BICRA: variants seen among roughly 807,000 people sequenced by gnomAD.
The protein encoded by BICRA is BRD4 interacting chromatin remodeling complex associated protein.
A neutral mutation model predicts 96.9 loss-of-function variants in BICRA; 31 were observed. The ratio of observed to expected loss-of-function variants is 0.32; its 90% CI spans 0.24 to 0.43. The LOEUF (loss-of-function observed/expected upper bound fraction) is 0.43, where lower values mean the gene tolerates loss of function less well. BICRA is among the 20% of genes least tolerant of loss of function. The pLI, the probability that BICRA is intolerant of heterozygous loss-of-function variation, is 1.00. For synonymous variants in BICRA, 1,350 were observed against 1,071.8 expected, an observed-to-expected ratio of 1.26 and a Z score of -5.07; for missense variants, 2,283 against 2,190.3, an observed-to-expected ratio of 1.04 and a Z score of -0.84.
At chr19:47,652,333 G>A (rs1972552450) in intron 1 of BICRA, among the ~76,000 whole-genome samples, 1 of 152,124 alleles carries the variant, frequency 6.6e-6, no homozygotes, top group Admixed American at 6.6e-5. Flanking sequence ...TCAGAGGCAT[G>A]TGCCACCACA....
upstream of BICRA, among the ~76,000 whole-genome samples, chr19:47,608,863 G>C (rs1971848242): frequency 6.8e-6 from 1 of 146,900 alleles, no homozygotes; most frequent in African/African-American, 2.5e-5. Context: ...AGGAGGAAGG[G>C]GGTGGGGGGC....
At chr19:47,691,639 C>A (rs1158328046) in intron 7 of BICRA, among the ~76,000 whole-genome samples, 1 of 152,216 alleles carries the variant, frequency 6.6e-6, no homozygotes. Context: ...TCTTGGCTCA[C>A]TGTAGCCTCT....
At chr19:47,696,629 C>T in intron 11 of BICRA, 117 bp downstream of exon 11, 2 of 881,390 alleles carry the variant, frequency 2.3e-6, no homozygotes, top group Admixed American at 5.3e-5. Context: ...CCCAGCTCCA[C>T]CTCTTGGTAG....
At position 47,694,902 on chromosome 19, in the gene BICRA, G is replaced by A. The variant is rs188295244; in HGVS notation, c.2898G>A (p.Val966=). The change falls in exon 9 of 15, where the codon GTG becomes GTA. Residue 966 remains valine (V), a splice_region_variant and synonymous_variant. Coordinates refer to ENST00000594866, the MANE Select transcript of BICRA (RefSeq NM_001394372.1). The part of the protein sequence containing the change: ...PKALLERFHQ[V]PSGIILQNKA... ...TCATCCACCTGTCCCCTCCTCAGGT[G>A]CCGTCCGGAATCATCCTCCAGAACA... 5,240 of 1,509,690 alleles carry A rather than the reference G, an allele frequency of 3.5e-3. 14 individuals are homozygous for A. Among genetic ancestry groups the A allele is most frequent in the Non-Finnish European group, 3.9e-3 (4,450 of 1,135,426 alleles). The allele number at this position is 1,509,690 out of a possible 1,614,324, so 93.5% of individuals were successfully genotyped here.
chr19:47,613,219 T>C (rs1327751499), intron 1 of BICRA, among the ~76,000 whole-genome samples: 1 of 151,906 alleles, frequency 6.6e-6, no homozygotes, highest in Non-Finnish European at 1.5e-5. Context: ...TGGGGGTGTA[T>C]AAGGCTCCCC....
In BICRA at chr19:47,698,118, T is replaced by A. The variant is rs1973375356; in HGVS notation, c.3249-516T>A. Among the ~76,000 whole-genome samples, 1 of 152,190 alleles carries A rather than the reference T, an allele frequency of 6.6e-6. No individual in the cohort carries two copies. On this transcript the variant is annotated intron_variant, in intron 11 of 14. Coordinates refer to ENST00000594866, the MANE Select transcript of BICRA (RefSeq NM_001394372.1). This position sits in a 1 kb window ranked among gnomAD's most constrained non-coding sequence, Gnocchi z 4.8. ...CACAGTGCAGAGAGGCTGCTGGTTT[T>A]TAGCCGAGGGTGGAGTTGGGCCTGC...
At chr19:47,632,660 A>G (rs776880085) in intron 1 of BICRA, among the ~76,000 whole-genome samples, 33 of 152,164 alleles carry the variant, frequency 2.2e-4, no homozygotes, top group African/African-American at 8.0e-4. Flanking sequence ...TACCGCCCTC[A>G]TGGGACTTGT....
At position 47,702,052 on chromosome 19, in the gene BICRA, C is replaced by T. The variant is rs767247185; in HGVS notation, c.4320C>T (p.Tyr1440=). The T allele has an allele frequency of 5.6e-5, 85 of 1,506,604 alleles. No homozygotes were observed. The African/African-American group carries it at 1.1e-3, about 20-fold the overall frequency. 93.3% of individuals were successfully genotyped at this position (1,506,604 alleles called of 1,614,324 possible). A position where few individuals can be genotyped will look rare whatever the true frequency, so the allele number is the denominator to read the frequency against. The part of the protein sequence containing the change: ...RELAAVEDEL[Y]QRMLKGPPPE... Reference sequence around the variant, plus strand: ...TGGCGGCCGTGGAGGACGAGCTGTACCAGCGTATGCTGAAGGGCCCCCCGC... The same window carrying T: ...TGGCGGCCGTGGAGGACGAGCTGTATCAGCGTATGCTGAAGGGCCCCCCGC... The change falls in exon 15 of 15, where the codon TAC becomes TAT. Residue 1440 remains tyrosine, a synonymous_variant. Coordinates refer to ENST00000594866, the MANE Select transcript of BICRA (RefSeq NM_001394372.1).
intron 1 of BICRA, among the ~76,000 whole-genome samples, chr19:47,651,825 T>A (rs1171461778): frequency 6.6e-6 from 1 of 152,142 alleles, no homozygotes; most frequent in Non-Finnish European, 1.5e-5. Context: ...CTGGAGTTAT[T>A]TAAGAGACAG....
At chr19:47,646,976 A>G (rs1209020968) in intron 1 of BICRA, among the ~76,000 whole-genome samples, 1 of 152,174 alleles carries the variant, frequency 6.6e-6, no homozygotes, top group Non-Finnish European at 1.5e-5. Context: ...AGCCTCCAGC[A>G]ACCACAAGTC....
rs141321643 is a variant in BICRA at position 47,699,482 on chromosome 19, C to T, written c.3595+77C>T. On this transcript the variant is annotated intron_variant, in intron 14 of 14. Transcript: ENST00000594866. The surrounding 1 kb of genome is among the most constrained non-coding windows in gnomAD (Gnocchi z 5.0). The stretch of plus-strand genomic sequence containing the variant: ...CTGGGCAGAAGAGTTAGATTCAGGG[C>T]GGGGAGTGGGTGTGTGGCCCTACCT... 1.0e-4 allele frequency: 89 copies of T among 847,790 alleles called. No homozygotes were observed. In the African/African-American group the frequency reaches 1.1e-3, roughly 10 times the overall value. The allele number at this position is 847,790 out of a possible 1,614,324, so 52.5% of individuals were successfully genotyped here. A position where few individuals can be genotyped will look rare whatever the true frequency, so the allele number is the denominator to read the frequency against.
At position 47,681,013 on chromosome 19, in the gene BICRA, G is replaced by C; in HGVS notation, c.1843G>C (p.Ala615Pro). 2 of 1,453,010 alleles carry C rather than the reference G, an allele frequency of 1.4e-6. No individual in the cohort carries two copies. The highest frequency in any genetic ancestry group is 2.7e-5 in the Admixed American group (1 of 37,622). 90.0% of individuals were successfully genotyped at this position (1,453,010 alleles called of 1,614,324 possible). The change falls in exon 6 of 15, where the codon GCC becomes CCC. Residue 615 changes from alanine (A) to proline (P), a missense_variant. Physicochemically the swap from Ala to Pro is conservative, Grantham distance 27. Transcript: ENST00000594866. ...PATPAAATGE[A>P]APVLTVQPAP... Reference sequence around the variant, plus strand: ...CACCCCTGCCGCTGCCACCGGGGAGGCCGCGCCTGTCCTCACGGTGCAGCC... The same window carrying C: ...CACCCCTGCCGCTGCCACCGGGGAGCCCGCGCCTGTCCTCACGGTGCAGCC...
chr19:47,652,544 C>T (rs1183123499), intron 1 of BICRA, among the ~76,000 whole-genome samples: 1 of 152,148 alleles, frequency 6.6e-6, no homozygotes, highest in East Asian at 1.9e-4. Context: ...TGGAAAGCAG[C>T]CAAGGCTTTG....
intron 1 of BICRA, among the ~76,000 whole-genome samples, chr19:47,660,070 G>A (rs1232053175): frequency 6.6e-6 from 1 of 152,160 alleles, no homozygotes; most frequent in Non-Finnish European, 1.5e-5. Flanking sequence ...CACAGATGCA[G>A]GATCTTAAAA....
At position 47,638,907 on chromosome 19, in the gene BICRA, G is replaced by A. The variant is rs996986898; in HGVS notation, c.-108+29739G>A. 3.6e-4 allele frequency among the ~76,000 whole-genome samples: 55 copies of A among 152,020 alleles called. 2 individuals carry two copies. The highest frequency in any genetic ancestry group is 3.3e-3 in the Admixed American group (50 of 15,258). The stretch of plus-strand genomic sequence containing the variant: ...TGATCTCAAGTGACTTGCTTGCCCT[G>A]GCCTCCCAAAGTTCTGGTATTATAG... On this transcript the variant is annotated intron_variant, in intron 1 of 14. Transcript: ENST00000594866.
At position 47,694,109 on chromosome 19, in the gene BICRA, G is replaced by A; in HGVS notation, c.2284-6G>A. On this transcript the variant is annotated splice_polypyrimidine_tract_variant and splice_region_variant and intron_variant, in intron 7 of 14. Transcript: ENST00000594866. ...CCCCTCCCCTCTCCCTCCCTCCCCT[G>A]CCCAGATCCCGGCAGCGGCTCCGCT... 1 of 1,007,626 alleles carries A rather than the reference G, an allele frequency of 9.9e-7. No individual in the cohort carries two copies. The highest frequency in any genetic ancestry group is 2.4e-5 in the South Asian group (1 of 41,528). The allele number at this position is 1,007,626 out of a possible 1,614,324, so 62.4% of individuals were successfully genotyped here.
Position 47,680,839 on chromosome 19 carries a change from A to G in BICRA, c.1669A>G (p.Met557Val). ...IQVGQPALFQ[M>V]PVSLAAGSLP... ...GGTGGGCCAGCCTGCGCTCTTCCAG[A>G]TGCCCGTGTCGCTGGCGGCGGGCAG... Residue 557 changes from methionine (M) to valine (V), a missense_variant, in exon 6 of 15, where the codon ATG (methionine) becomes GTG (valine). Met to Val is a conservative substitution (Grantham distance 21). Transcript: ENST00000594866. 2 of 1,593,566 alleles carry G rather than the reference A, an allele frequency of 1.3e-6. No homozygotes were observed. Among genetic ancestry groups the G allele is most frequent in the South Asian group, 1.1e-5 (1 of 89,684 alleles).
chr19:47,629,309 T>C (rs765122977), intron 1 of BICRA, among the ~76,000 whole-genome samples: 3 of 152,214 alleles, frequency 2.0e-5, no homozygotes. Flanking sequence ...GGCGTCCAAC[T>C]GAAACTTTAT....
chr19:47,682,030 T>C lies in BICRA; in HGVS notation c.2161T>C (p.Ser721Pro), dbSNP rs758282636. The C allele has an allele frequency of 2.4e-5, 38 of 1,567,772 alleles. 1 individual carries two copies. In the South Asian group the frequency reaches 2.4e-4, roughly 10 times the overall value. Residue 721 changes from serine (S) to proline (P), a missense_variant, in exon 7 of 15, where the codon TCG (serine) becomes CCG (proline). Transcript: ENST00000594866. Reference sequence around the variant, plus strand: ...GGGCCCCCACCTCTCCGTGCCTGCCTCGGTCATAGTCAGCGCCCCGCCTCC... The same window carrying C: ...GGGCCCCCACCTCTCCGTGCCTGCCCCGGTCATAGTCAGCGCCCCGCCTCC... ...AEGPHLSVPA[S>P]VIVSAPPPAQ...
Sources: allele counts gnomAD v4.1 joint callset (sites outside exome capture counted in the v4.1 genomes callset), GRCh38; gene constraint gnomAD v4.1.1; non-coding constraint Gnocchi (gnomAD v3.1); transcripts MANE v1.5; gene names NCBI Gene and HGNC (gene_info 2026-07-23, HGNC 2026-07-21).